ANKS1A: variants seen among roughly 807,000 people sequenced by gnomAD.
ANKS1A encodes the protein ankyrin repeat and sterile alpha motif domain containing 1A.
Under a neutral mutation model 120.3 loss-of-function variants are expected in ANKS1A, and 55 were observed. The observed-to-expected ratio is 0.46, with a 90% confidence interval of 0.37 to 0.57. The LOEUF (loss-of-function observed/expected upper bound fraction) is 0.57, where lower values mean the gene tolerates loss of function less well. ANKS1A is among the 20% of genes least tolerant of loss of function. The pLI is 0.00. For synonymous variants in ANKS1A, 590 were observed against 604.7 expected, an observed-to-expected ratio of 0.98 and a Z score of 0.36; for missense variants, 1,123 against 1,480.3, an observed-to-expected ratio of 0.76 and a Z score of 3.96.
At position 34,937,116 on chromosome 6, in the gene ANKS1A, T is replaced by C. The variant is rs139346876; in HGVS notation, c.198-30123T>C. ...GAATTCAGAGGAGAGAAGATAGTCA[T>C]TTTGGATGTGTAGTGCTGAAAGGCA... On this transcript the variant is annotated intron_variant, in intron 1 of 23. Transcript: ENST00000360359. Among the ~76,000 whole-genome samples the C allele has an allele frequency of 1.3e-3, 205 of 152,156 alleles. 1 individual carries two copies. Among genetic ancestry groups the C allele is most frequent in the Non-Finnish European group, 2.4e-3 (160 of 67,996 alleles).
intron 1 of ANKS1A, among the ~76,000 whole-genome samples, chr6:34,947,354 G>A (rs1396874682): frequency 2.0e-5 from 3 of 151,730 alleles, no homozygotes; most frequent in African/African-American, 7.3e-5. Flanking sequence ...ACTATGTTGG[G>A]CAGGCTGGTC....
intron 2 of ANKS1A, among the ~76,000 whole-genome samples, 181 bp downstream of exon 2, chr6:34,967,500 A>G (rs990982711): frequency 8.0e-5 from 12 of 150,760 alleles, no homozygotes; most frequent in Non-Finnish European, 1.5e-4. Context: ...AGCCTGGGCA[A>G]CAAAGCAAGC....
chr6:35,007,280 A>G (rs1306521407), intron 10 of ANKS1A, among the ~76,000 whole-genome samples: 1 of 152,198 alleles, frequency 6.6e-6, no homozygotes, highest in Non-Finnish European at 1.5e-5. Context: ...ATTTGTGCCT[A>G]TAGAAGAAAC....
intron 13 of ANKS1A, among the ~76,000 whole-genome samples, chr6:35,071,416 C>T (rs978901475): frequency 2.0e-5 from 3 of 152,144 alleles, no homozygotes; most frequent in African/African-American, 7.2e-5. Flanking sequence ...GGTTGGCACT[C>T]GGTGTCTTGT....
chr6:35,080,025 G>A, intron 16 of ANKS1A, 97 bp downstream of exon 16: 3 of 1,365,602 alleles, frequency 2.2e-6, no homozygotes, highest in Non-Finnish European at 3.0e-6. Context: ...CCACTGTAGT[G>A]TAGGAGAAAG....
chr6:35,090,995 G>A lies in ANKS1A; in HGVS notation c.*2386G>A. 3 of 985,928 alleles carry A rather than the reference G, an allele frequency of 3.0e-6. No homozygotes were observed. Among genetic ancestry groups the A allele is most frequent in the Non-Finnish European group, 1.2e-6 (1 of 829,984 alleles). 61.1% of individuals were successfully genotyped at this position (985,928 alleles called of 1,614,324 possible). ...GAGTTCCCGAGATGCTCGGGTTTGA[G>A]CAGGGAGCAGGCAGAGCTGCAGTCA... On this transcript the variant is annotated 3_prime_UTR_variant, in exon 24 of 24. Coordinates refer to ENST00000360359, the MANE Select transcript of ANKS1A (RefSeq NM_015245.3).
At position 35,089,057 on chromosome 6, in the gene ANKS1A, G is replaced by A. The variant is rs1778157549; in HGVS notation, c.*448G>A. On this transcript the variant is annotated 3_prime_UTR_variant, in exon 24 of 24. Coordinates refer to ENST00000360359, the MANE Select transcript of ANKS1A (RefSeq NM_015245.3). The stretch of plus-strand genomic sequence containing the variant: ...CAGGACGGAACTTGGGTGCAGCTCA[G>A]TGGGTCGGAAGAGAAGGCGGTGGCC... 4 of 1,066,656 alleles carry A rather than the reference G, an allele frequency of 3.8e-6. No homozygotes were observed. The highest frequency in any genetic ancestry group is 6.6e-5 in the South Asian group (2 of 30,314). The allele number at this position is 1,066,656 out of a possible 1,614,324, so 66.1% of individuals were successfully genotyped here.
chr6:34,971,725 AG>A (rs2127513715), intron 3 of ANKS1A, among the ~76,000 whole-genome samples: 2 of 152,328 alleles, frequency 1.3e-5, no homozygotes, highest in African/African-American at 4.8e-5. Flanking sequence ...AGCTGTTAAA[AG>A]CATGACTTTG....
chr6:34,967,522 C>CAAAA (rs10559753), intron 2 of ANKS1A, among the ~76,000 whole-genome samples: 2 of 96,732 alleles, frequency 2.1e-5, no homozygotes, highest in Non-Finnish European at 5.2e-5. Flanking sequence ...TCCATCTCCA[C>CAAAA]AAAAAAAAAA....
chr6:35,042,525 G>A (rs1386075803), intron 11 of ANKS1A, among the ~76,000 whole-genome samples: 3 of 152,220 alleles, frequency 2.0e-5, no homozygotes, highest in East Asian at 1.9e-4. Context: ...TACAAAAGAA[G>A]CTGAAGAGGC....
chr6:35,067,254 G>A (rs1776821514), intron 13 of ANKS1A, among the ~76,000 whole-genome samples: 1 of 151,926 alleles, frequency 6.6e-6, no homozygotes, highest in African/African-American at 2.4e-5. Flanking sequence ...CCCCACCCCC[G>A]GGCCAGCCCC....
chr6:35,074,539 A>T (rs1777247846), intron 13 of ANKS1A, among the ~76,000 whole-genome samples: 1 of 151,988 alleles, frequency 6.6e-6, no homozygotes, highest in Admixed American at 6.6e-5. Context: ...GGTTGCAGTG[A>T]GCCATCATCA....
chr6:34,941,301 T>G (rs773814626), intron 1 of ANKS1A, among the ~76,000 whole-genome samples: 28 of 152,184 alleles, frequency 1.8e-4, no homozygotes, highest in Admixed American at 3.9e-4. Context: ...TTTTATGTAT[T>G]TATTTTTAGA....
intron 11 of ANKS1A, among the ~76,000 whole-genome samples, chr6:35,052,951 C>T (rs1776042230): frequency 1.3e-5 from 2 of 152,142 alleles, no homozygotes. Flanking sequence ...CAGATGACAG[C>T]CTGAGCCAGC....
chr6:35,037,948 G>A (rs1367863102), intron 11 of ANKS1A, among the ~76,000 whole-genome samples: 1 of 152,010 alleles, frequency 6.6e-6, no homozygotes, highest in Non-Finnish European at 1.5e-5. Flanking sequence ...ATAGACTCTG[G>A]GTCTCAGAGT....
chr6:34,903,793 G>A (rs1767496034), intron 1 of ANKS1A, among the ~76,000 whole-genome samples: 2 of 151,942 alleles, frequency 1.3e-5, no homozygotes, highest in South Asian at 2.1e-4. Context: ...GGGATTACAG[G>A]CATGAGCCAC....
intron 11 of ANKS1A, among the ~76,000 whole-genome samples, chr6:35,040,642 TATTGA>T (rs540877073): frequency 1.4e-4 from 21 of 152,380 alleles, no homozygotes; most frequent in Non-Finnish European, 2.9e-4. Flanking sequence ...ACAAGGCTCT[TATTGA>T]TCATTTCCTT....
chr6:34,960,783 TCAATA>T (rs1377821474), intron 1 of ANKS1A, among the ~76,000 whole-genome samples: 14 of 152,228 alleles, frequency 9.2e-5, no homozygotes, highest in African/African-American at 3.4e-4. Context: ...GCTAGGCCTC[TCAATA>T]CTATTATACT....
intron 1 of ANKS1A, among the ~76,000 whole-genome samples, chr6:34,939,301 C>T (rs1454301136): frequency 1.3e-4 from 20 of 152,138 alleles, no homozygotes. Flanking sequence ...CAATGGAACC[C>T]CTCCAGCAGC....
Sources: gnomAD v4.1 joint callset for allele counts (sites outside exome capture counted in the v4.1 genomes callset) on GRCh38, gnomAD v4.1.1 for gene constraint, MANE v1.5 for transcripts, NCBI Gene and HGNC (gene_info 2026-07-23, HGNC 2026-07-21) for gene names.